ATXN7L1: variants seen among roughly 807,000 people sequenced by gnomAD.
The protein encoded by ATXN7L1 is ataxin 7 like 1, also known as ataxin-7-like protein 1.
In ATXN7L1, 15 loss-of-function variants were observed where a neutral mutation model predicts 70.8. That is an observed-to-expected ratio of 0.21 (90% CI 0.14 to 0.33). ATXN7L1 has a LOEUF of 0.33. Ranked by LOEUF, ATXN7L1 falls within the 10% of genes least tolerant of loss-of-function variation. The probability of loss-of-function intolerance (pLI) is 1.00; values close to 1 mark genes in which losing one functional copy is unlikely to be tolerated. For synonymous variants in ATXN7L1, 440 were observed against 445.1 expected (o/e 0.99, Z 0.14); for missense variants, 975 against 1,097.1 (o/e 0.89, Z 1.57).
At chr7:105,794,924 C>T (rs935301906) in intron 2 of ATXN7L1, among the ~76,000 whole-genome samples, 2 of 152,228 alleles carry the variant, frequency 1.3e-5, no homozygotes, top group African/African-American at 2.4e-5. Flanking sequence ...GCCTCTGTTT[C>T]GAGCAAGCAG....
intron 3 of ATXN7L1, among the ~76,000 whole-genome samples, chr7:105,754,003 TCA>T (rs1315568403): frequency 6.6e-6 from 1 of 152,228 alleles, no homozygotes; most frequent in Admixed American, 6.5e-5. Flanking sequence ...CTTCTCGGTC[TCA>T]GTTTCCTCTC....
intron 3 of ATXN7L1, among the ~76,000 whole-genome samples, chr7:105,666,122 T>C (rs73717214): frequency 0.018 from 2,782 of 152,290 alleles, 105 homozygotes; most frequent in African/African-American, 0.062. Context: ...ATGGGGTTCT[T>C]AAATTGTTTT....
At chr7:105,628,936 C>T (rs1020948602) in intron 7 of ATXN7L1, among the ~76,000 whole-genome samples, 6 of 28,302 alleles carry the variant, frequency 2.1e-4, no homozygotes, top group East Asian at 1.4e-3. Context: ...TCACAGTTAC[C>T]GGGTTTTTTT....
chr7:105,856,828 A>T (rs1202529886), intron 2 of ATXN7L1, among the ~76,000 whole-genome samples: 1 of 148,244 alleles, frequency 6.7e-6, no homozygotes, highest in Admixed American at 6.7e-5. Context: ...TGTGTGAGAC[A>T]GAGAGAGAGA....
At chr7:105,651,874 G>A (rs1435701079) in intron 4 of ATXN7L1, among the ~76,000 whole-genome samples, 1 of 152,166 alleles carries the variant, frequency 6.6e-6, no homozygotes, top group Non-Finnish European at 1.5e-5. Context: ...ATGCCTCCCA[G>A]AGAAATAACT....
At chr7:105,662,845 A>T (rs1324915885) in intron 4 of ATXN7L1, among the ~76,000 whole-genome samples, 1 of 152,224 alleles carries the variant, frequency 6.6e-6, no homozygotes, top group African/African-American at 2.4e-5. Flanking sequence ...TAACATAGTA[A>T]TAATAACCAT....
chr7:105,777,497 T>A (rs1438198401), intron 3 of ATXN7L1, among the ~76,000 whole-genome samples: 1 of 152,252 alleles, frequency 6.6e-6, no homozygotes, highest in Non-Finnish European at 1.5e-5. Flanking sequence ...GTAGTCATTC[T>A]CTGCTGCTTT....
intron 3 of ATXN7L1, among the ~76,000 whole-genome samples, chr7:105,714,388 T>C (rs1490144090): frequency 6.6e-6 from 1 of 152,238 alleles, no homozygotes; most frequent in East Asian, 1.9e-4. Flanking sequence ...ATCTGTGCTT[T>C]ACAAGCTCCT....
At chr7:105,633,109 A>AAATGATTTTC (rs1796847166) in intron 7 of ATXN7L1, among the ~76,000 whole-genome samples, 1 of 152,164 alleles carries the variant, frequency 6.6e-6, no homozygotes, top group Non-Finnish European at 1.5e-5. Context: ...TTCTGTAGGG[A>AAATGATTTTC]AATGATTTTC....
intron 3 of ATXN7L1, among the ~76,000 whole-genome samples, chr7:105,749,208 T>C (rs1798913695): frequency 6.7e-6 from 1 of 149,370 alleles, no homozygotes. Flanking sequence ...TCAGAGGAAA[T>C]TCCTTGCAGG....
chr7:105,715,288 G>A (rs900138814), intron 3 of ATXN7L1, among the ~76,000 whole-genome samples: 9 of 152,214 alleles, frequency 5.9e-5, no homozygotes, highest in African/African-American at 2.2e-4. Context: ...CTCATGTGGA[G>A]AATGGAAGTA....
At chr7:105,642,729 T>C in intron 5 of ATXN7L1, 109 bp downstream of exon 5, 1 of 1,336,104 alleles carries the variant, frequency 7.5e-7, no homozygotes. Flanking sequence ...GCATCCCCCT[T>C]AAAATGAAAC....
chr7:105,727,777 T>TATATACACACAC (rs1462125950), intron 3 of ATXN7L1, among the ~76,000 whole-genome samples: 13 of 90,192 alleles, frequency 1.4e-4, no homozygotes, highest in African/African-American at 6.7e-4. Flanking sequence ...TATATATATA[T>TATATACACACAC]ACACACACAT....
At chr7:105,847,478 G>C (rs562594496) in intron 2 of ATXN7L1, among the ~76,000 whole-genome samples, 33 of 152,294 alleles carry the variant, frequency 2.2e-4, no homozygotes, top group South Asian at 8.3e-4. Flanking sequence ...ATAATGTACA[G>C]CAGCAAGGGC....
intron 3 of ATXN7L1, among the ~76,000 whole-genome samples, chr7:105,755,746 G>A (rs911940634): frequency 1.2e-4 from 18 of 152,298 alleles, no homozygotes; most frequent in Middle Eastern, 3.4e-3. Context: ...TGAAATTCCC[G>A]AAAGACTGTT....
chr7:105,741,127 C>A (rs1797981178), intron 3 of ATXN7L1, among the ~76,000 whole-genome samples: 1 of 152,092 alleles, frequency 6.6e-6, no homozygotes. Flanking sequence ...AAGGCAGGTC[C>A]AAGTTCACGC....
chr7:105,757,628 G>C (rs928504622), intron 3 of ATXN7L1, among the ~76,000 whole-genome samples: 3 of 136,994 alleles, frequency 2.2e-5, no homozygotes, highest in African/African-American at 8.3e-5. Flanking sequence ...CACCCAGACT[G>C]GAGTGCAGTG....
chr7:105,876,308 T>C (rs1585224428), intron 1 of ATXN7L1, 70 bp downstream of exon 1: 2 of 1,479,098 alleles, frequency 1.4e-6, no homozygotes, highest in East Asian at 2.5e-5. Context: ...ACACACTTTT[T>C]CCCAGTGGCT....
At chr7:105,785,022 A>AAAGTTTGGCAGTTAACCACAGGGTGTTGG in intron 3 of ATXN7L1, among the ~76,000 whole-genome samples, 1 of 152,206 alleles carries the variant, frequency 6.6e-6, no homozygotes, top group Non-Finnish European at 1.5e-5. Flanking sequence ...CATTTGAAAG[A>AAAGTTTGGCAGTTAACCACAGGGTGTTGG]AAGTTTGGCA....
Sources: allele counts gnomAD v4.1 joint callset (sites outside exome capture counted in the v4.1 genomes callset), GRCh38; gene constraint gnomAD v4.1.1; transcripts MANE v1.5; gene names NCBI Gene and HGNC (gene_info 2026-07-23, HGNC 2026-07-21).